The following DTNB variants were observed in gnomAD, a reference collection of about 807,000 sequenced individuals.
The protein encoded by DTNB is dystrobrevin beta.
DTNB carries 63 observed loss-of-function variants against 90.7 expected under a neutral mutation model. The observed-to-expected ratio is 0.69, with a 90% CI of 0.57 to 0.86. The LOEUF (loss-of-function observed/expected upper bound fraction) is 0.86, where lower values mean the gene tolerates loss of function less well. Among genes scored for constraint, DTNB ranks in the 40% least tolerant of loss-of-function variants. The pLI is 0.00. For synonymous variants in DTNB, 277 were observed against 286.7 expected (o/e 0.97, Z 0.34); for missense variants, 744 against 807.1 (o/e 0.92, Z 0.95).
At position 25,431,917 on chromosome 2, in the gene DTNB, C is replaced by T. The variant is rs553111547; in HGVS notation, c.1457+969G>A. ...AAACTAAAATAAGTTTTTAAGAGAA[C>T]GAAAATCTCTATACATCTAATGATT... On this transcript the variant is annotated intron_variant, in intron 14 of 20. Coordinates refer to ENST00000406818, the MANE Select transcript of DTNB (RefSeq NM_021907.5). Among the ~76,000 whole-genome samples, 13 of 152,138 alleles carry T rather than the reference C, an allele frequency of 8.5e-5. No homozygotes were observed. The East Asian group carries it at 1.7e-3, about 20-fold the overall frequency.
chr2:25,619,783 T>C (rs907505806), intron 4 of DTNB, among the ~76,000 whole-genome samples: 1 of 152,184 alleles, frequency 6.6e-6, no homozygotes, highest in Admixed American at 6.5e-5. Flanking sequence ...GGCTCAAGCC[T>C]GTAATCCTAG....
At chr2:25,606,326 T>C (rs1287032162) in intron 5 of DTNB, among the ~76,000 whole-genome samples, 3 of 152,178 alleles carry the variant, frequency 2.0e-5, no homozygotes, top group African/African-American at 7.2e-5. Flanking sequence ...AGTTTCCTAC[T>C]CTGTGGCTAC....
rs138287700 is a variant in DTNB, at chr2:25,596,495, A to G, written c.449-255T>C. ...ATAACCATTCATGTGTGACTATCCT[A>G]CTTTTGAGTGTTTAAAACTAGATGA... On this transcript the variant is annotated intron_variant, in intron 5 of 20. Transcript: ENST00000406818. The G allele has an allele frequency of 9.7e-4, 248 of 256,930 alleles. 5 individuals are homozygous for G. In the East Asian group the frequency reaches 0.02, roughly 21 times the overall value. 15.9% of individuals were successfully genotyped at this position (256,930 alleles called of 1,614,324 possible). A position where few individuals can be genotyped will look rare whatever the true frequency, so the allele number is the denominator to read the frequency against.
At chr2:25,495,997 T>C (rs2068746552) in intron 9 of DTNB, among the ~76,000 whole-genome samples, 1 of 152,226 alleles carries the variant, frequency 6.6e-6, no homozygotes, top group Non-Finnish European at 1.5e-5. Context: ...TAATGAACTA[T>C]TTCTCAGGAA....
intron 9 of DTNB, among the ~76,000 whole-genome samples, chr2:25,515,432 C>T (rs547620335): frequency 9.9e-5 from 15 of 152,236 alleles, no homozygotes; most frequent in Admixed American, 9.2e-4. Flanking sequence ...AGGACAGATA[C>T]ACACATAGGT....
At chr2:25,525,495 G>A (rs1222582866) in intron 9 of DTNB, among the ~76,000 whole-genome samples, 1 of 152,044 alleles carries the variant, frequency 6.6e-6, no homozygotes, top group African/African-American at 2.4e-5. Context: ...AATTAGCTGG[G>A]GGTGGTGGCA....
chr2:25,590,658 C>A (rs1425592033), intron 6 of DTNB, among the ~76,000 whole-genome samples: 1 of 152,180 alleles, frequency 6.6e-6, no homozygotes, highest in Non-Finnish European at 1.5e-5. Context: ...AGCTGGTAAT[C>A]ATTTGTTCGA....
chr2:25,551,634 T>C (rs2083678229), intron 8 of DTNB, among the ~76,000 whole-genome samples: 3 of 152,260 alleles, frequency 2.0e-5, no homozygotes, highest in Admixed American at 6.5e-5. Flanking sequence ...GCTTTGGGTA[T>C]GGAACATTTC....
intron 16 of DTNB, among the ~76,000 whole-genome samples, chr2:25,404,892 T>G (rs538557607): frequency 6.0e-4 from 91 of 152,122 alleles, no homozygotes; most frequent in Non-Finnish European, 1.1e-3. Context: ...ATAGGAAAAC[T>G]ACACAACCCG....
intron 10 of DTNB, among the ~76,000 whole-genome samples, chr2:25,470,043 G>A (rs2062507293): frequency 1.3e-5 from 2 of 152,200 alleles, no homozygotes; most frequent in South Asian, 4.1e-4. Flanking sequence ...AGCTCTATGA[G>A]AAATGCTGAG....
intron 9 of DTNB, among the ~76,000 whole-genome samples, chr2:25,487,657 A>G (rs1006614357): frequency 1.3e-5 from 2 of 152,188 alleles, no homozygotes; most frequent in African/African-American, 4.8e-5. Context: ...AAGGCCTCAG[A>G]GAGGAGGCAT....
At chr2:25,599,501 C>T (rs1182313054) in intron 5 of DTNB, among the ~76,000 whole-genome samples, 2 of 151,802 alleles carry the variant, frequency 1.3e-5, no homozygotes, top group Non-Finnish European at 2.9e-5. Context: ...GCCACCATGC[C>T]CAGCTAATTT....
At chr2:25,665,345 G>C (rs1428725551) in intron 1 of DTNB, among the ~76,000 whole-genome samples, 3 of 152,178 alleles carry the variant, frequency 2.0e-5, no homozygotes, top group African/African-American at 7.2e-5. Flanking sequence ...GTCAGTGAGG[G>C]GCCAGGCGCG....
chr2:25,432,883 C>T lies in DTNB; in HGVS notation c.1457+3G>A, dbSNP rs755877840. 1.9e-6 allele frequency: 3 copies of T among 1,593,428 alleles called. No individual in the cohort carries two copies. The highest frequency in any genetic ancestry group is 1.7e-6 in the Non-Finnish European group (2 of 1,170,816). The stretch of plus-strand genomic sequence containing the variant: ...TGGCAAGTGGTAGAGTGTCCCTACT[C>T]ACCTCAGCAGCCGCAGCTCTGCCAG... On this transcript the variant is annotated splice_donor_region_variant and intron_variant, in intron 14 of 20. Transcript: ENST00000406818.
At chr2:25,624,978 T>A (rs760381861) in intron 4 of DTNB, among the ~76,000 whole-genome samples, 4 of 152,204 alleles carry the variant, frequency 2.6e-5, no homozygotes, top group Non-Finnish European at 5.9e-5. Flanking sequence ...TATTCAGAAC[T>A]CTCAGTATTA....
intron 18 of DTNB, chr2:25,386,110 G>A: frequency 1.0e-6 from 1 of 985,572 alleles, no homozygotes; most frequent in Non-Finnish European, 1.2e-6. Flanking sequence ...TTGAGAAACA[G>A]TGCTAGAATG....
At chr2:25,469,364 T>C (rs1558656112) in intron 10 of DTNB, among the ~76,000 whole-genome samples, 1 of 151,646 alleles carries the variant, frequency 6.6e-6, no homozygotes, top group African/African-American at 2.4e-5. Flanking sequence ...GCTTGAAGAG[T>C]AGGGGAGAGC....
Position 25,609,650 on chromosome 2 carries a change from T to C in DTNB, c.363-2329A>G, listed in dbSNP as rs573605410. On this transcript the variant is annotated intron_variant, in intron 4 of 20. Transcript: ENST00000406818. ...TTGCTATGCATAAACATTTCCATAA[T>C]AGAATGTACACACACACACACACAC... Among the ~76,000 whole-genome samples the C allele has an allele frequency of 6.8e-5, 8 of 117,918 alleles. No individual in the cohort carries two copies. In the South Asian group the frequency reaches 1.6e-3, roughly 24 times the overall value. 77.4% of individuals were successfully genotyped at this position (117,918 alleles called of 152,430 possible). A position where few individuals can be genotyped will look rare whatever the true frequency, so the allele number is the denominator to read the frequency against.
At chr2:25,465,375 C>CA (rs34402498) in intron 10 of DTNB, among the ~76,000 whole-genome samples, 104,969 of 140,290 alleles carry the variant, frequency 0.75, 38,584 homozygotes, top group African/African-American at 0.83. Flanking sequence ...GACTCCGTCT[C>CA]AAAAAAAAAA....
Sources: gnomAD v4.1 joint callset for allele counts (sites outside exome capture counted in the v4.1 genomes callset) on GRCh38, gnomAD v4.1.1 for gene constraint, MANE v1.5 for transcripts, NCBI Gene and HGNC (gene_info 2026-07-23, HGNC 2026-07-21) for gene names.